The following ZNF85 variants were observed in gnomAD, a reference collection of about 807,000 sequenced individuals.
The protein encoded by ZNF85 is zinc finger protein 85 (HPF4, HTF1).
ZNF85 carries 50 observed loss-of-function variants against 53.9 expected under a neutral mutation model. The ratio of observed to expected loss-of-function variants is 0.93; its 90% CI spans 0.74 to 1.17. The LOEUF is 1.17. Among genes scored for constraint, ZNF85 ranks in the 50% most tolerant of loss-of-function variants. ZNF85 has a pLI of 0.00. For synonymous variants in ZNF85, 225 were observed against 226.1 expected, an observed-to-expected ratio of 1.00 and a Z score of 0.04; for missense variants, 747 against 688.5, an observed-to-expected ratio of 1.08 and a Z score of -0.95.
chr19:20,933,190 C>G, intron 1 of ZNF85, among the ~76,000 whole-genome samples: 1 of 93,666 alleles, frequency 1.1e-5, no homozygotes, highest in African/African-American at 3.6e-5. Flanking sequence ...GAGACTCCGT[C>G]TCAAAAAAAA....
chr19:20,948,623 T>G (rs1973478327), intron 3 of ZNF85, 121 bp from the exon 4 acceptor site: 1 of 695,490 alleles, frequency 1.4e-6, no homozygotes, highest in South Asian at 2.5e-5. Flanking sequence ...ATTTAGGGCC[T>G]ATGGTATTTT....
intron 1 of ZNF85, among the ~76,000 whole-genome samples, chr19:20,923,757 G>A (rs1002676296): frequency 8.5e-5 from 13 of 152,128 alleles, no homozygotes; most frequent in African/African-American, 2.9e-4. Context: ...TTTGGGCTGT[G>A]GGGTTCCCAG....
intron 1 of ZNF85, among the ~76,000 whole-genome samples, chr19:20,930,457 C>A (rs985287829): frequency 1.3e-5 from 2 of 151,290 alleles, no homozygotes; most frequent in African/African-American, 4.9e-5. Context: ...TTCTTCTATG[C>A]AATTAAAAAA....
intron 3 of ZNF85, among the ~76,000 whole-genome samples, chr19:20,948,461 G>C (rs1973473690): frequency 6.7e-6 from 1 of 149,326 alleles, no homozygotes. Flanking sequence ...AACCGAAATA[G>C]CTGTGTTGTA....
At position 20,941,610 on chromosome 19, in the gene ZNF85, A is replaced by C. The variant is rs112313670; in HGVS notation, c.229+6563A>C. ...TCCCATTTGTGTATTCTTTTTGAGAAAAATTTAGTTCAATTATTTGTTCAT... is the reference window on the plus strand; with the variant it reads ...TCCCATTTGTGTATTCTTTTTGAGACAAATTTAGTTCAATTATTTGTTCAT... On this transcript the variant is annotated intron_variant, in intron 3 of 3. Transcript: ENST00000328178. 4.1e-3 allele frequency among the ~76,000 whole-genome samples: 631 copies of C among 152,330 alleles called. 4 individuals carry two copies. Among genetic ancestry groups the C allele is most frequent in the African/African-American group, 0.014 (593 of 41,566 alleles).
In ZNF85 at chr19:20,948,834, G is replaced by A. The variant is rs1226489860; in HGVS notation, c.320G>A (p.Cys107Tyr). 2 of 1,612,790 alleles carry A rather than the reference G, an allele frequency of 1.2e-6. No individual in the cohort carries two copies. Among genetic ancestry groups the A allele is most frequent in the East Asian group, 2.2e-5 (1 of 44,848 alleles). ...QKVTLKRYGKCRHENLPLRKG... is the reference protein window; with the variant it reads ...QKVTLKRYGKYRHENLPLRKG... ...GTGACACTGAAAAGATATGGAAAATGTAGACATGAAAATTTACCATTAAGA... is the reference window on the plus strand; with the variant it reads ...GTGACACTGAAAAGATATGGAAAATATAGACATGAAAATTTACCATTAAGA... The change falls in exon 4 of 4, where the codon TGT becomes TAT. Residue 107 changes from cysteine (C) to tyrosine (Y), a missense_variant. Cys to Tyr is a radical substitution (Grantham distance 194). Transcript: ENST00000328178.
chr19:20,936,170 G>T (rs1407128472), intron 3 of ZNF85, among the ~76,000 whole-genome samples: 2 of 152,010 alleles, frequency 1.3e-5, no homozygotes, highest in East Asian at 1.9e-4. Flanking sequence ...AATTTACTGG[G>T]TGTATTTATT....
chr19:20,942,995 C>T (rs1248543590), intron 3 of ZNF85: 1 of 506,848 alleles, frequency 2.0e-6, no homozygotes, highest in African/African-American at 2.0e-5. Context: ...AGTCTAGTCT[C>T]AAACTTCTGG....
intron 1 of ZNF85, chr19:20,927,408 A>G (rs1972904683): frequency 1.3e-5 from 2 of 151,878 alleles, no homozygotes; most frequent in Non-Finnish European, 2.9e-5. Flanking sequence ...AGCTGTTATC[A>G]CGCCATTGCA....
chr19:20,924,235 TAAA>T (rs943357350), intron 1 of ZNF85, among the ~76,000 whole-genome samples: 1 of 152,126 alleles, frequency 6.6e-6, no homozygotes, highest in African/African-American at 2.4e-5. Flanking sequence ...AGGTGCATGA[TAAA>T]AAAATCAAAT....
At chr19:20,941,328 A>G (rs2144649355) in intron 3 of ZNF85, among the ~76,000 whole-genome samples, 1 of 152,054 alleles carries the variant, frequency 6.6e-6, no homozygotes, top group Non-Finnish European at 1.5e-5. Flanking sequence ...GTGCAGTAGC[A>G]TGAACTGAGC....
chr19:20,929,177 A>G (rs1972949702), intron 1 of ZNF85, among the ~76,000 whole-genome samples: 1 of 147,670 alleles, frequency 6.8e-6, no homozygotes, highest in South Asian at 2.1e-4. Context: ...CTAGACAAAA[A>G]CTGATCTCTT....
At chr19:20,931,855 C>T (rs1443288248) in intron 1 of ZNF85, among the ~76,000 whole-genome samples, 5 of 152,120 alleles carry the variant, frequency 3.3e-5, no homozygotes, top group African/African-American at 1.2e-4. Context: ...GATCTGCCTG[C>T]CTCGGCCTCC....
intron 1 of ZNF85, among the ~76,000 whole-genome samples, chr19:20,925,229 C>T (rs929180414): frequency 2.0e-5 from 3 of 152,132 alleles, no homozygotes; most frequent in South Asian, 2.1e-4. Flanking sequence ...GAGGCCGAGG[C>T]GGGCGGATCG....
chr19:20,947,184 T>A (rs1243065479), intron 3 of ZNF85, among the ~76,000 whole-genome samples: 1 of 151,926 alleles, frequency 6.6e-6, no homozygotes, highest in Non-Finnish European at 1.5e-5. Context: ...GAACTTTAGT[T>A]GTATACAAAA....
intron 1 of ZNF85, chr19:20,928,729 A>G (rs908393921): frequency 2.6e-5 from 4 of 152,138 alleles, no homozygotes; most frequent in Admixed American, 6.6e-5. Context: ...TTCTCCACCA[A>G]CCTAGGGTTC....
chr19:20,946,309 CA>C, intron 3 of ZNF85: 1 of 415,350 alleles, frequency 2.4e-6, no homozygotes, highest in Non-Finnish European at 4.7e-6. Context: ...GGTTGTCTAT[CA>C]AAAAGAATGT....
At chr19:20,943,530 G>A (rs946862173) in intron 3 of ZNF85, 1 of 151,934 alleles carries the variant, frequency 6.6e-6, no homozygotes, top group African/African-American at 2.4e-5. Flanking sequence ...TTCTTGTACA[G>A]TCTGCCCAAC....
intron 3 of ZNF85, among the ~76,000 whole-genome samples, chr19:20,941,851 C>T (rs537360727): frequency 5.3e-5 from 8 of 152,132 alleles, no homozygotes; most frequent in East Asian, 1.9e-4. Flanking sequence ...CGTTTAATGT[C>T]GTATCTAGGA....
Sources: gnomAD v4.1 joint callset for allele counts (sites outside exome capture counted in the v4.1 genomes callset) on GRCh38, gnomAD v4.1.1 for gene constraint, MANE v1.5 for transcripts, NCBI Gene and HGNC (gene_info 2026-07-23, HGNC 2026-07-21) for gene names.